Variants in CENPC observed in about 807,000 individuals in gnomAD.
CENPC encodes the protein centromere protein C.
Under a neutral mutation model 112.1 loss-of-function variants are expected in CENPC, and 63 were observed. The observed-to-expected ratio is 0.56, with a 90% CI of 0.46 to 0.69. CENPC has a LOEUF of 0.69. CENPC is among the 30% of genes least tolerant of loss of function. The pLI is 0.00. For missense variants in CENPC, 1,000 were observed against 1,103.8 expected (o/e 0.91, Z 1.33); for synonymous variants, 333 against 367.6 (o/e 0.91, Z 1.08).
At chr4:67,486,345 A>C (rs1450262209) in intron 17 of CENPC, among the ~76,000 whole-genome samples, 1 of 152,220 alleles carries the variant, frequency 6.6e-6, no homozygotes, top group Admixed American at 6.5e-5. Context: ...TGAAAGATCA[A>C]GTGCTTCTAA....
intron 17 of CENPC, among the ~76,000 whole-genome samples, chr4:67,481,536 C>G (rs1185804048): frequency 1.3e-5 from 2 of 152,070 alleles, no homozygotes; most frequent in African/African-American, 2.4e-5. Context: ...CAAAACAGCA[C>G]AGTACTGAAA....
At chr4:67,482,989 C>G (rs1359475407) in intron 17 of CENPC, among the ~76,000 whole-genome samples, 1 of 152,148 alleles carries the variant, frequency 6.6e-6, no homozygotes, top group Non-Finnish European at 1.5e-5. Context: ...TCATGCTGTT[C>G]TCATGAGAGT....
At chr4:67,501,003 G>A (rs1172046657) in intron 12 of CENPC, among the ~76,000 whole-genome samples, 4 of 152,070 alleles carry the variant, frequency 2.6e-5, no homozygotes, top group African/African-American at 7.2e-5. Context: ...ACATGAACAG[G>A]TAATCAGGAT....
chr4:67,483,535 C>A (rs772959695), intron 17 of CENPC, among the ~76,000 whole-genome samples: 1 of 149,390 alleles, frequency 6.7e-6, no homozygotes, highest in African/African-American at 2.4e-5. Flanking sequence ...AGAGTGTACT[C>A]TTACCACTTA....
Position 67,471,105 on chromosome 4 carries a change from G to A in CENPC, c.*1500C>T, listed in dbSNP as rs990163087. On this transcript the variant is annotated 3_prime_UTR_variant, in exon 19 of 19. Transcript: ENST00000273853. ...ACAGAACAACCAACAGTGGGTGGAA[G>A]GCTTATAGACTCAAGTGTTTGATCT... 6.6e-6 allele frequency: 1 copy of A among 152,204 alleles called. No individual in the cohort carries two copies. The highest frequency in any genetic ancestry group is 2.4e-5 in the African/African-American group (1 of 41,442). The allele number at this position is 152,204 out of a possible 1,614,324, so 9.4% of individuals were successfully genotyped here.
At chr4:67,493,644 C>T (rs995266530) in intron 14 of CENPC, 6 of 372,862 alleles carry the variant, frequency 1.6e-5, no homozygotes, top group Non-Finnish European at 2.9e-5. Flanking sequence ...TCTAATCTAA[C>T]GCTTTATATT....
chr4:67,537,008 C>A (rs1304843451), intron 4 of CENPC, among the ~76,000 whole-genome samples: 1 of 144,836 alleles, frequency 6.9e-6, no homozygotes, highest in African/African-American at 2.5e-5. Flanking sequence ...GGCAACATAC[C>A]AAGATCCCTA....
chr4:67,500,624 G>C (rs1459039077), intron 12 of CENPC, among the ~76,000 whole-genome samples: 1 of 152,110 alleles, frequency 6.6e-6, no homozygotes, highest in East Asian at 1.9e-4. Flanking sequence ...AAAATCCAGT[G>C]ACCAAATCTA....
intron 2 of CENPC, among the ~76,000 whole-genome samples, chr4:67,541,265 T>G (rs1206917470): frequency 6.6e-6 from 1 of 152,172 alleles, no homozygotes; most frequent in Non-Finnish European, 1.5e-5. Flanking sequence ...TAATCTACCT[T>G]AACAATTAAT....
chr4:67,505,799 C>T (rs972625508), intron 11 of CENPC, among the ~76,000 whole-genome samples: 15 of 152,076 alleles, frequency 9.9e-5, no homozygotes, highest in Admixed American at 9.8e-4. Context: ...AATTTCATCC[C>T]ATAACTGACA....
In CENPC at chr4:67,472,707, A is replaced by T. The variant is rs1173384793; in HGVS notation, c.2762-32T>A. 4 of 1,473,438 alleles carry T rather than the reference A, an allele frequency of 2.7e-6. No homozygotes were observed. The African/African-American group carries it at 5.7e-5, about 21-fold the overall frequency. 91.3% of individuals were successfully genotyped at this position (1,473,438 alleles called of 1,614,324 possible). On this transcript the variant is annotated intron_variant, in intron 18 of 18. Transcript: ENST00000273853. Reference sequence around the variant, plus strand: ...GTAAAGTGATAAGAAAATAAAAATTATTTACATATGAATCATTCTTTTTGA... The same window carrying T: ...GTAAAGTGATAAGAAAATAAAAATTTTTTACATATGAATCATTCTTTTTGA...
chr4:67,490,184 T>C, intron 16 of CENPC, 63 bp from the exon 17 acceptor site: 1 of 1,097,906 alleles, frequency 9.1e-7, no homozygotes, highest in African/African-American at 1.6e-5. Flanking sequence ...ATATAACATA[T>C]ACACATATAT....
chr4:67,492,603 C>A, intron 15 of CENPC: 1 of 484,454 alleles, frequency 2.1e-6, no homozygotes, highest in Non-Finnish European at 3.4e-6. Flanking sequence ...CTATGTTAAC[C>A]ATAGCTTGGG....
In CENPC at chr4:67,508,986, G is replaced by A; in HGVS notation, c.1732C>T (p.Leu578Phe). The change falls in exon 10 of 19, where the codon CTT becomes TTT. Residue 578 changes from leucine to phenylalanine, a missense_variant. Physicochemically the swap from Leu to Phe is conservative, Grantham distance 22. Transcript: ENST00000273853. ...SKNIRKKTIPLKRQKTATKGN... is the reference protein window; with the variant it reads ...SKNIRKKTIPFKRQKTATKGN... ...TTAGTTGCTGTCTTCTGCCTTTTAA[G>A]TGGAATAGTTTTTTTCCTAATATTC... is the stretch of plus-strand genomic sequence containing the variant. The A allele has an allele frequency of 6.2e-7, 1 of 1,613,410 alleles. No homozygotes were observed.
intron 17 of CENPC, among the ~76,000 whole-genome samples, chr4:67,477,902 C>A (rs541329937): frequency 9.9e-5 from 15 of 151,086 alleles, no homozygotes; most frequent in African/African-American, 3.6e-4. Context: ...TAGAGAAATG[C>A]AAAATACATT....
chr4:67,495,110 T>A (rs1725393279), intron 13 of CENPC, 49 bp downstream of exon 13: 3 of 1,406,592 alleles, frequency 2.1e-6, no homozygotes, highest in African/African-American at 1.5e-5. Context: ...AAACAGAAAC[T>A]TAAGGTATTT....
chr4:67,496,414 T>C (rs763811281), intron 12 of CENPC, among the ~76,000 whole-genome samples: 4 of 152,140 alleles, frequency 2.6e-5, no homozygotes, highest in Non-Finnish European at 5.9e-5. Context: ...TTTGGGGTGG[T>C]TGGTTACGCA....
chr4:67,513,839 T>C (rs534520708), intron 8 of CENPC, among the ~76,000 whole-genome samples: 1 of 152,244 alleles, frequency 6.6e-6, no homozygotes, highest in African/African-American at 2.4e-5. Flanking sequence ...TACTAGCCTT[T>C]TCTTTTCACT....
chr4:67,523,287 A>C lies in CENPC; in HGVS notation c.332-3785T>G, dbSNP rs1230805156. On this transcript the variant is annotated intron_variant, in intron 5 of 18. Coordinates refer to ENST00000273853, the MANE Select transcript of CENPC (RefSeq NM_001812.4). ...GAGATCACGCCACTGCATTTCAGCC[A>C]GGGAGACAGAGGGAGACTCTCTCAA... Among the ~76,000 whole-genome samples, 3 of 116,712 alleles carry C rather than the reference A, an allele frequency of 2.6e-5. No individual in the cohort carries two copies. In the East Asian group the frequency reaches 9.5e-4, roughly 37 times the overall value. 76.6% of individuals were successfully genotyped at this position (116,712 alleles called of 152,430 possible).
Sources: gnomAD v4.1 joint callset for allele counts (sites outside exome capture counted in the v4.1 genomes callset) on GRCh38, gnomAD v4.1.1 for gene constraint, MANE v1.5 for transcripts, NCBI Gene and HGNC (gene_info 2026-07-23, HGNC 2026-07-21) for gene names.